The following UNC5D variants were observed in gnomAD, a reference collection of about 807,000 sequenced individuals.
The protein encoded by UNC5D is netrin receptor UNC5D.
Under a neutral mutation model 105.4 loss-of-function variants are expected in UNC5D, and 39 were observed. That is an observed-to-expected ratio of 0.37 (90% confidence interval 0.29 to 0.48). The LOEUF (loss-of-function observed/expected upper bound fraction) is 0.48, where lower values mean the gene tolerates loss of function less well. Ranked by LOEUF, UNC5D falls within the 20% of genes least tolerant of loss-of-function variation. The pLI is 0.98. For missense variants in UNC5D, 991 were observed against 1,202.4 expected (o/e 0.82, Z 2.60); for synonymous variants, 452 against 450.4 (o/e 1.00, Z -0.04).
chr8:35,413,309 T>TGTGTGTG (rs201603589), intron 1 of UNC5D, among the ~76,000 whole-genome samples: 1 of 142,146 alleles, frequency 7.0e-6, no homozygotes, highest in African/African-American at 2.6e-5. Context: ...TGTGTGTGTG[T>TGTGTGTG]TTTCTCTCTT....
chr8:35,364,434 A>G (rs1802009055), intron 1 of UNC5D, among the ~76,000 whole-genome samples: 1 of 152,008 alleles, frequency 6.6e-6, no homozygotes. Flanking sequence ...CACTTTTCCT[A>G]TTTTATGATA....
intron 1 of UNC5D, among the ~76,000 whole-genome samples, chr8:35,487,594 C>CACACA (rs1554542234): frequency 0.016 from 2,383 of 146,834 alleles, 56 homozygotes; most frequent in African/African-American, 0.055. Context: ...CACACACACA[C>CACACA]CCCACAGACT....
chr8:35,599,011 C>T (rs183894645), intron 4 of UNC5D, among the ~76,000 whole-genome samples: 36 of 151,862 alleles, frequency 2.4e-4, no homozygotes, highest in Admixed American at 1.4e-3. Context: ...GGTGTGGTGG[C>T]GCACATCTGT....
At chr8:35,524,485 T>C (rs1228432678) in intron 1 of UNC5D, among the ~76,000 whole-genome samples, 1 of 151,384 alleles carries the variant, frequency 6.6e-6, no homozygotes, top group Admixed American at 6.6e-5. Context: ...GCAATACATT[T>C]TTATTTTCAG....
At chr8:35,261,205 C>T (rs1219235773) in intron 1 of UNC5D, among the ~76,000 whole-genome samples, 2 of 152,144 alleles carry the variant, frequency 1.3e-5, no homozygotes, top group Non-Finnish European at 2.9e-5. Context: ...TGCACAGTAG[C>T]AACTGTGAAG....
chr8:35,575,421 T>C (rs776062320), intron 3 of UNC5D, among the ~76,000 whole-genome samples: 9 of 152,130 alleles, frequency 5.9e-5, no homozygotes, highest in Non-Finnish European at 1.3e-4. Flanking sequence ...ATAGCTTACA[T>C]TGACAGATAA....
chr8:35,311,443 C>A (rs1454640816), intron 1 of UNC5D, among the ~76,000 whole-genome samples: 3 of 151,960 alleles, frequency 2.0e-5, no homozygotes, highest in African/African-American at 2.4e-5. Context: ...AGCAAATTAA[C>A]CTCAGAAAAC....
intron 8 of UNC5D, among the ~76,000 whole-genome samples, chr8:35,715,082 T>A (rs1370829930): frequency 6.6e-6 from 1 of 152,110 alleles, no homozygotes; most frequent in Non-Finnish European, 1.5e-5. Flanking sequence ...ACCCAGGAGA[T>A]GGAAGTTGCG....
chr8:35,652,522 A>G (rs910486157), intron 4 of UNC5D, among the ~76,000 whole-genome samples: 15 of 152,192 alleles, frequency 9.9e-5, no homozygotes, highest in African/African-American at 3.6e-4. Context: ...GCATGAGTAT[A>G]TAAAAGCTAT....
At chr8:35,638,138 A>G (rs764531190) in intron 4 of UNC5D, among the ~76,000 whole-genome samples, 17 of 152,318 alleles carry the variant, frequency 1.1e-4, no homozygotes, top group Non-Finnish European at 1.3e-4. Flanking sequence ...TTTAAAATTC[A>G]CAATAGTGAA....
At chr8:35,789,093 G>A (rs1345441159) in intron 16 of UNC5D, among the ~76,000 whole-genome samples, 2 of 138,704 alleles carry the variant, frequency 1.4e-5, no homozygotes, top group Admixed American at 7.4e-5. Context: ...CTAACTCAGG[G>A]TCAGTGGCTC....
chr8:35,398,546 T>A (rs1401939766), intron 1 of UNC5D, among the ~76,000 whole-genome samples: 2 of 151,988 alleles, frequency 1.3e-5, no homozygotes, highest in Admixed American at 1.3e-4. Flanking sequence ...AAAAAAAGTG[T>A]CTCTTGTTTA....
chr8:35,355,744 C>A (rs542147567), intron 1 of UNC5D, among the ~76,000 whole-genome samples: 2 of 152,238 alleles, frequency 1.3e-5, no homozygotes, highest in South Asian at 4.1e-4. Context: ...AAGGATGGAA[C>A]CCTCATGAAT....
chr8:35,615,401 A>G (rs537946598), intron 4 of UNC5D, among the ~76,000 whole-genome samples: 1 of 151,990 alleles, frequency 6.6e-6, no homozygotes, highest in Non-Finnish European at 1.5e-5. Flanking sequence ...GCCCTCATCC[A>G]TCTGTTTGTG....
intron 1 of UNC5D, among the ~76,000 whole-genome samples, chr8:35,538,420 T>TGA (rs1372358625): frequency 7.5e-6 from 1 of 132,622 alleles, no homozygotes; most frequent in African/African-American, 3.0e-5. Context: ...TATATATATA[T>TGA]ATATATATAT....
At chr8:35,430,288 A>G (rs1806536646) in intron 1 of UNC5D, among the ~76,000 whole-genome samples, 1 of 152,128 alleles carries the variant, frequency 6.6e-6, no homozygotes, top group Non-Finnish European at 1.5e-5. Flanking sequence ...GAGCTTCCAG[A>G]TAGCCGAACA....
At chr8:35,690,527 G>C (rs555812125) in intron 7 of UNC5D, among the ~76,000 whole-genome samples, 1 of 152,188 alleles carries the variant, frequency 6.6e-6, no homozygotes, top group African/African-American at 2.4e-5. Context: ...AGTCCCAGCT[G>C]CTCTGGAAGC....
intron 1 of UNC5D, among the ~76,000 whole-genome samples, chr8:35,321,796 A>T (rs968486975): frequency 3.9e-5 from 6 of 152,122 alleles, no homozygotes; most frequent in Admixed American, 3.9e-4. Flanking sequence ...TTCATGTTGC[A>T]AGCACTGCCT....
rs1332942666 is a variant in UNC5D at position 35,795,050 on chromosome 8, A to G, written c.*4487A>G. 1 of 152,296 alleles carries G rather than the reference A, an allele frequency of 6.6e-6. No individual in the cohort carries two copies. The highest frequency in any genetic ancestry group is 1.9e-4 in the East Asian group (1 of 5,184). 9.4% of individuals were successfully genotyped at this position (152,296 alleles called of 1,614,324 possible). ...CCTCGTGAGGTGGACCTAAGGCAGT[A>G]ACATTTAAACTTCATGTCCTAGCAC... On this transcript the variant is annotated 3_prime_UTR_variant, in exon 17 of 17. Transcript: ENST00000404895.
Sources: allele counts gnomAD v4.1 joint callset (sites outside exome capture counted in the v4.1 genomes callset), GRCh38; gene constraint gnomAD v4.1.1; transcripts MANE v1.5; gene names NCBI Gene and HGNC (gene_info 2026-07-23, HGNC 2026-07-21).